LMBR1: variants seen among roughly 807,000 people sequenced by gnomAD.
LMBR1 encodes limb region 1 protein homolog.
LMBR1 carries 52 observed loss-of-function variants against 73.9 expected under a neutral mutation model. The observed-to-expected ratio is 0.70, with a 90% CI of 0.56 to 0.89. The LOEUF (loss-of-function observed/expected upper bound fraction) is 0.89, where lower values mean the gene tolerates loss of function less well. LMBR1 is among the 40% of genes least tolerant of loss of function. LMBR1 has a pLI of 0.00. For missense variants in LMBR1, 539 were observed against 579.8 expected (o/e 0.93, Z 0.72); for synonymous variants, 215 against 209.4 (o/e 1.03, Z -0.23).
At chr7:156,796,315 C>G in intron 5 of LMBR1, 74 bp downstream of exon 5, 2 of 950,688 alleles carry the variant, frequency 2.1e-6, no homozygotes, top group African/African-American at 1.7e-5. Context: ...TTTAAGTCTG[C>G]TTTTTCTAGT....
rs969611462 is a variant in LMBR1 at position 156,762,125 on chromosome 7, A to C, written c.684+9T>G. 9 of 1,540,584 alleles carry C rather than the reference A, an allele frequency of 5.8e-6. No homozygotes were observed. The highest frequency in any genetic ancestry group is 8.1e-6 in the Non-Finnish European group (9 of 1,113,914). On this transcript the variant is annotated intron_variant, in intron 8 of 16. Coordinates refer to ENST00000353442, the MANE Select transcript of LMBR1 (RefSeq NM_022458.4). ...TAATAAACAAAATGATTTATAATTA[A>C]ATACTTACTGTTGGCTTCACTAGCA...
chr7:156,827,721 GA>G (rs1211123624), intron 3 of LMBR1, among the ~76,000 whole-genome samples: 5 of 150,378 alleles, frequency 3.3e-5, no homozygotes, highest in South Asian at 4.2e-4. Context: ...TTAAAAGCAG[GA>G]AAAAAAAATA....
intron 5 of LMBR1, among the ~76,000 whole-genome samples, chr7:156,773,064 A>G (rs146006735): frequency 8.2e-4 from 124 of 151,632 alleles, no homozygotes; most frequent in Non-Finnish European, 1.0e-3. Context: ...CTATAGACCA[A>G]TAACATCCAA....
At chr7:156,733,313 T>C (rs1010239438) in intron 10 of LMBR1, among the ~76,000 whole-genome samples, 4 of 152,016 alleles carry the variant, frequency 2.6e-5, no homozygotes, top group African/African-American at 9.7e-5. Context: ...AAAAAATCAA[T>C]CAATCAAAAC....
At chr7:156,879,052 G>C (rs987126201) in intron 1 of LMBR1, among the ~76,000 whole-genome samples, 1 of 152,148 alleles carries the variant, frequency 6.6e-6, no homozygotes, top group Admixed American at 6.5e-5. Context: ...ACTCAAGATG[G>C]ATCAAGGACT....
At chr7:156,701,533 T>C (rs1322451115) in intron 15 of LMBR1, among the ~76,000 whole-genome samples, 3 of 152,244 alleles carry the variant, frequency 2.0e-5, no homozygotes, top group Admixed American at 1.3e-4. Flanking sequence ...TGTATGAGAA[T>C]GGCCAAAATC....
chr7:156,891,229 T>TACAC (rs1455159710), intron 1 of LMBR1, among the ~76,000 whole-genome samples: 5 of 81,570 alleles, frequency 6.1e-5, no homozygotes, highest in East Asian at 4.3e-4. Context: ...TATATATATA[T>TACAC]ATATACACAC....
chr7:156,706,669 A>T (rs568294900), intron 15 of LMBR1, among the ~76,000 whole-genome samples: 47 of 152,214 alleles, frequency 3.1e-4, no homozygotes, highest in Middle Eastern at 6.8e-3. Flanking sequence ...TAAAAAAAAA[A>T]TTTTTGAAAC....
intron 1 of LMBR1, among the ~76,000 whole-genome samples, chr7:156,873,367 T>TA (rs1260802183): frequency 7.2e-5 from 11 of 152,176 alleles, no homozygotes; most frequent in Non-Finnish European, 1.6e-4. Flanking sequence ...CGGTGAGTGT[T>TA]ACAGCTCATA....
At chr7:156,879,576 A>G (rs994056980) in intron 1 of LMBR1, among the ~76,000 whole-genome samples, 2 of 150,108 alleles carry the variant, frequency 1.3e-5, no homozygotes, top group Non-Finnish European at 3.0e-5. Context: ...AGGCAGGAGA[A>G]TGGCGTGAAC....
At chr7:156,765,180 T>C (rs1436794586) in intron 5 of LMBR1, among the ~76,000 whole-genome samples, 1 of 152,222 alleles carries the variant, frequency 6.6e-6, no homozygotes, top group Non-Finnish European at 1.5e-5. Context: ...GATGCTGATA[T>C]GGTTTGCCTG....
chr7:156,726,150 C>T (rs1367636421), intron 12 of LMBR1: 2 of 234,000 alleles, frequency 8.5e-6, no homozygotes, highest in African/African-American at 4.5e-5. Context: ...GGAAAAAAAT[C>T]CTGAATAGTT....
chr7:156,885,105 C>T (rs879441734), intron 1 of LMBR1, among the ~76,000 whole-genome samples: 16 of 152,186 alleles, frequency 1.1e-4, no homozygotes, highest in Non-Finnish European at 2.1e-4. Flanking sequence ...AATCCCAGCA[C>T]TTTGCGAGGC....
chr7:156,881,453 T>C (rs764242479), intron 1 of LMBR1, among the ~76,000 whole-genome samples: 2 of 152,146 alleles, frequency 1.3e-5, no homozygotes, highest in African/African-American at 2.4e-5. Context: ...ATAACATCAA[T>C]AGCACAGGCA....
At chr7:156,817,557 T>C (rs934837021) in intron 4 of LMBR1, among the ~76,000 whole-genome samples, 8 of 151,524 alleles carry the variant, frequency 5.3e-5, no homozygotes, top group Non-Finnish European at 7.4e-5. Flanking sequence ...AGAGAGAACT[T>C]CAGAATTAGA....
intron 9 of LMBR1, among the ~76,000 whole-genome samples, chr7:156,751,074 C>T (rs1207619635): frequency 6.6e-6 from 1 of 152,154 alleles, no homozygotes; most frequent in African/African-American, 2.4e-5. Flanking sequence ...TGTGTCACTG[C>T]ACTCCAGCCT....
chr7:156,763,091 G>C lies in LMBR1; in HGVS notation c.619+17C>G, dbSNP rs1823421297. 1 of 1,244,098 alleles carries C rather than the reference G, an allele frequency of 8.0e-7. No homozygotes were observed. 77.1% of individuals were successfully genotyped at this position (1,244,098 alleles called of 1,614,324 possible). On this transcript the variant is annotated intron_variant, in intron 7 of 16. Transcript: ENST00000353442. Reference sequence around the variant, plus strand: ...AACTCTACTTTTCTCTTAATATCAAGTCTGAAAAATACTTACAGAGAAGTA... The same window carrying C: ...AACTCTACTTTTCTCTTAATATCAACTCTGAAAAATACTTACAGAGAAGTA...
chr7:156,815,583 C>T (rs1011265713), intron 4 of LMBR1, among the ~76,000 whole-genome samples: 1 of 152,116 alleles, frequency 6.6e-6, no homozygotes, highest in Admixed American at 6.5e-5. Flanking sequence ...TACAGTTTCC[C>T]CCATAAAATG....
chr7:156,853,653 TTTTG>T lies in LMBR1; in HGVS notation c.67-16772_67-16769del, dbSNP rs1168506256. Among the ~76,000 whole-genome samples the T allele has an allele frequency of 8.5e-5, 13 of 152,050 alleles. No homozygotes were observed. The East Asian group carries it at 1.9e-3, about 23-fold the overall frequency. On this transcript the variant is annotated intron_variant, in intron 1 of 16. Transcript: ENST00000353442. ...AGGAAGTCACCACATAGAATAAAGC[TTTTG>T]TTTGTTTTTGTTTTTTGAGACAAAG...
Sources: allele counts gnomAD v4.1 joint callset (sites outside exome capture counted in the v4.1 genomes callset), GRCh38; gene constraint gnomAD v4.1.1; transcripts MANE v1.5; gene names NCBI Gene and HGNC (gene_info 2026-07-23, HGNC 2026-07-21).